Variants in PSMF1 observed in about 807,000 individuals in gnomAD.
PSMF1 encodes proteasome inhibitor subunit 1.
PSMF1 carries 30 observed loss-of-function variants against 29.3 expected under a neutral mutation model. The ratio of observed to expected loss-of-function variants is 1.02; its 90% CI spans 0.77 to 1.39. PSMF1 has a LOEUF of 1.39. PSMF1 is among the 40% of genes most tolerant of loss of function. The pLI is 0.00. For synonymous variants in PSMF1, 134 were observed against 139.7 expected (o/e 0.96, Z 0.29); for missense variants, 344 against 357.5 (o/e 0.96, Z 0.31).
intron 1 of PSMF1, among the ~76,000 whole-genome samples, chr20:1,119,974 CA>C (rs1040477349): frequency 6.9e-6 from 1 of 143,894 alleles, no homozygotes; most frequent in Non-Finnish European, 1.6e-5. Flanking sequence ...TTTAGCTTCT[CA>C]AATAGAGTCT....
At chr20:1,156,525 A>G (rs1036188620) in intron 4 of PSMF1, among the ~76,000 whole-genome samples, 1 of 152,214 alleles carries the variant, frequency 6.6e-6, no homozygotes, top group African/African-American at 2.4e-5. Flanking sequence ...AAAACAACTC[A>G]TTGCTTAAAA....
intron 3 of PSMF1, among the ~76,000 whole-genome samples, chr20:1,133,569 A>ATATATATATATATATTTTTTTTTTT: frequency 3.4e-4 from 18 of 53,280 alleles, no homozygotes; most frequent in Admixed American, 5.9e-4. Context: ...ATATATATAT[A>ATATATATATATATATTTTTTTTTTT]TTTTTTTTTT....
rs1261751211 is a variant in PSMF1, at chr20:1,165,342, T to C, written c.*262T>C. 7.3e-7 allele frequency: 1 copy of C among 1,378,826 alleles called. No individual in the cohort carries two copies. Among genetic ancestry groups the C allele is most frequent in the Non-Finnish European group, 9.4e-7 (1 of 1,067,870 alleles). 85.4% of individuals were successfully genotyped at this position (1,378,826 alleles called of 1,614,324 possible). On this transcript the variant is annotated 3_prime_UTR_variant, in exon 7 of 7. Coordinates refer to ENST00000335877, the MANE Select transcript of PSMF1 (RefSeq NM_006814.5). ...CCTCCCCTTTCACCACCAGCTCCTC[T>C]CCACTTCCCAAGGGAGACTCCGGCA...
At chr20:1,120,170 CAGAACACA>C (rs1437390852) in intron 1 of PSMF1, among the ~76,000 whole-genome samples, 2 of 152,044 alleles carry the variant, frequency 1.3e-5, no homozygotes, top group Non-Finnish European at 2.9e-5. Flanking sequence ...CAGCAGGAAT[CAGAACACA>C]AGAACCGTCA....
chr20:1,125,086 G>A (rs771789304), intron 1 of PSMF1, among the ~76,000 whole-genome samples: 3 of 152,128 alleles, frequency 2.0e-5, no homozygotes, highest in Non-Finnish European at 2.9e-5. Flanking sequence ...GCGTGTATTC[G>A]GATCTGTGTT....
chr20:1,165,310 A>G lies in PSMF1; in HGVS notation c.*230A>G, dbSNP rs1298698832. On this transcript the variant is annotated 3_prime_UTR_variant, in exon 7 of 7. Transcript: ENST00000335877. Reference sequence around the variant, plus strand: ...GAGAAATCAGTGTGTCTCTTTCACCATCAGCTCCTCCCCTTTCACCACCAG... The same window carrying G: ...GAGAAATCAGTGTGTCTCTTTCACCGTCAGCTCCTCCCCTTTCACCACCAG... 21 of 1,399,198 alleles carry G rather than the reference A, an allele frequency of 1.5e-5. No individual in the cohort carries two copies. Among genetic ancestry groups the G allele is most frequent in the Non-Finnish European group, 1.9e-5 (20 of 1,079,606 alleles). 86.7% of individuals were successfully genotyped at this position (1,399,198 alleles called of 1,614,324 possible). A position where few individuals can be genotyped will look rare whatever the true frequency, so the allele number is the denominator to read the frequency against.
chr20:1,116,091 A>G (rs976011721), upstream of PSMF1, among the ~76,000 whole-genome samples: 4 of 150,110 alleles, frequency 2.7e-5, no homozygotes, highest in Non-Finnish European at 5.9e-5. Flanking sequence ...GAACCTGTTC[A>G]TCTGTGTCTG....
chr20:1,116,830 G>C (rs1836883445), upstream of PSMF1, among the ~76,000 whole-genome samples: 1 of 152,112 alleles, frequency 6.6e-6, no homozygotes, highest in African/African-American at 2.4e-5. Flanking sequence ...ATTTTGGATG[G>C]AATGGTCTGG....
intron 1 of PSMF1, among the ~76,000 whole-genome samples, chr20:1,122,049 T>C (rs550477752): frequency 6.6e-6 from 1 of 152,210 alleles, no homozygotes; most frequent in African/African-American, 2.4e-5. Flanking sequence ...TTCAGAGGCA[T>C]TGGGGCAAAT....
rs1186235742 is a variant in PSMF1, at chr20:1,165,510, C to T, written c.*430C>T. On this transcript the variant is annotated 3_prime_UTR_variant, in exon 7 of 7. Coordinates refer to ENST00000335877, the MANE Select transcript of PSMF1 (RefSeq NM_006814.5). ...TTCTTTTTACATTAATGCATAGCTG[C>T]TTCCATTTATGAGACTTTAGAGTTT... The T allele has an allele frequency of 3.0e-6, 3 of 1,008,894 alleles. No individual in the cohort carries two copies. The East Asian group carries it at 3.1e-4, about 104-fold the overall frequency. The allele number at this position is 1,008,894 out of a possible 1,614,324, so 62.5% of individuals were successfully genotyped here. A position where few individuals can be genotyped will look rare whatever the true frequency, so the allele number is the denominator to read the frequency against.
At chr20:1,160,381 T>C (rs1197833796) in intron 4 of PSMF1, among the ~76,000 whole-genome samples, 1 of 152,218 alleles carries the variant, frequency 6.6e-6, no homozygotes, top group Non-Finnish European at 1.5e-5. Flanking sequence ...CTAACTGGTC[T>C]TCATTCAGGC....
At chr20:1,127,317 G>A in intron 2 of PSMF1, 109 bp from the exon 3 acceptor site, 1 of 854,072 alleles carries the variant, frequency 1.2e-6, no homozygotes, top group Non-Finnish European at 2.0e-6. Context: ...TGTCTCTGTG[G>A]ACATATGTGA....
intron 1 of PSMF1, among the ~76,000 whole-genome samples, chr20:1,122,571 AT>A (rs1307246182): frequency 3.9e-5 from 6 of 152,104 alleles, no homozygotes; most frequent in Admixed American, 3.9e-4. Flanking sequence ...AAGGGCTGGG[AT>A]TACAGGCAAG....
intron 4 of PSMF1, among the ~76,000 whole-genome samples, chr20:1,141,441 C>G (rs1197685785): frequency 6.6e-6 from 1 of 151,970 alleles, no homozygotes; most frequent in Admixed American, 6.5e-5. Context: ...AAACCATAGT[C>G]CAAGAGAATT....
chr20:1,150,247 A>G (rs2086511185), intron 4 of PSMF1, among the ~76,000 whole-genome samples: 1 of 152,192 alleles, frequency 6.6e-6, no homozygotes, highest in Non-Finnish European at 1.5e-5. Context: ...AGACATATTC[A>G]AAGATTGAAA....
At chr20:1,150,575 G>A (rs143599809) in intron 4 of PSMF1, among the ~76,000 whole-genome samples, 6 of 152,140 alleles carry the variant, frequency 3.9e-5, no homozygotes, top group Middle Eastern at 3.4e-3. Context: ...TTGTGAAGAG[G>A]TAATCAAATC....
At chr20:1,141,607 CT>C (rs1364899235) in intron 4 of PSMF1, among the ~76,000 whole-genome samples, 2 of 152,088 alleles carry the variant, frequency 1.3e-5, no homozygotes, top group Admixed American at 1.3e-4. Context: ...TGCCTTCCCC[CT>C]AAGGAAGAAG....
chr20:1,146,993 T>C (rs1226857399), intron 4 of PSMF1, among the ~76,000 whole-genome samples: 6 of 152,092 alleles, frequency 3.9e-5, no homozygotes, highest in African/African-American at 1.4e-4. Flanking sequence ...AGAGAGAACC[T>C]TGTTTTATTT....
rs145651475 is a variant in PSMF1, at chr20:1,134,653, GGAC to G, written c.366-467_366-465del. Among the ~76,000 whole-genome samples the G allele has an allele frequency of 5.0e-3, 760 of 152,270 alleles. 9 individuals carry two copies. The highest frequency in any genetic ancestry group is 0.017 in the African/African-American group (708 of 41,550). Reference sequence around the variant, plus strand: ...ACAGGTGGTAGGGGCAGCCTTCCGAGGACCCCTGAGTTAGTGACAGAACTGGAC... The same window carrying G: ...ACAGGTGGTAGGGGCAGCCTTCCGAGCCCTGAGTTAGTGACAGAACTGGAC... On this transcript the variant is annotated intron_variant, in intron 3 of 6. Coordinates refer to ENST00000335877, the MANE Select transcript of PSMF1 (RefSeq NM_006814.5).
Sources: gnomAD v4.1 joint callset for allele counts (sites outside exome capture counted in the v4.1 genomes callset) on GRCh38, gnomAD v4.1.1 for gene constraint, MANE v1.5 for transcripts, NCBI Gene and HGNC (gene_info 2026-07-23, HGNC 2026-07-21) for gene names.